Variants in STARD13 observed in about 807,000 individuals in gnomAD.
STARD13 encodes the protein StAR related lipid transfer domain containing 13.
In STARD13, 62 loss-of-function variants were observed where a neutral mutation model predicts 106.4. The observed-to-expected ratio is 0.58, with a 90% CI of 0.48 to 0.72. The LOEUF (loss-of-function observed/expected upper bound fraction) is 0.72. STARD13 is among the 30% of genes least tolerant of loss of function. The pLI is 0.00. For missense variants in STARD13, 1,387 were observed against 1,424.0 expected, an observed-to-expected ratio of 0.97 and a Z score of 0.42; for synonymous variants, 565 against 553.0, an observed-to-expected ratio of 1.02 and a Z score of -0.31.
At chr13:33,531,890 T>C in the STARD13 span, among the ~76,000 whole-genome samples, 1 of 152,198 alleles carries the variant, frequency 6.6e-6, no homozygotes, top group Non-Finnish European at 1.5e-5. Context: ...TTGTTTTTTA[T>C]CTCATATTAT....
intron 1 of STARD13, among the ~76,000 whole-genome samples, chr13:33,316,580 G>A (rs1893347769): frequency 6.6e-6 from 1 of 152,294 alleles, no homozygotes; most frequent in Non-Finnish European, 1.5e-5. Flanking sequence ...CAGAGACTCA[G>A]GAAGTGATTT....
the STARD13 span, among the ~76,000 whole-genome samples, chr13:33,586,045 G>A: frequency 1.3e-5 from 2 of 152,136 alleles, no homozygotes; most frequent in South Asian, 2.1e-4. Flanking sequence ...TGTATTTAAT[G>A]CCACTTAAGA....
chr13:33,460,933 A>C, the STARD13 span, among the ~76,000 whole-genome samples: 14 of 152,262 alleles, frequency 9.2e-5, no homozygotes, highest in African/African-American at 2.9e-4. Context: ...TGATATAAGC[A>C]ACAACATACA....
chr13:33,636,252 G>T, the STARD13 span, among the ~76,000 whole-genome samples: 941 of 150,346 alleles, frequency 6.3e-3, 4 homozygotes, highest in Non-Finnish European at 9.2e-3. Flanking sequence ...GATGATTTTT[G>T]TAGCCCCTGA....
intron 4 of STARD13, among the ~76,000 whole-genome samples, chr13:33,136,966 A>C (rs1478917634): frequency 4.6e-5 from 7 of 152,224 alleles, no homozygotes. Flanking sequence ...ACAAAGAAGC[A>C]GGGGCCCCTG....
chr13:33,524,846 G>T, the STARD13 span, among the ~76,000 whole-genome samples: 151 of 152,012 alleles, frequency 9.9e-4, 1 homozygote, highest in African/African-American at 3.6e-3. Context: ...ACTTATTTTT[G>T]TGTGTGCGGT....
chr13:33,627,965 C>CTTTTTTTTTTTT, the STARD13 span, among the ~76,000 whole-genome samples: 2 of 147,224 alleles, frequency 1.4e-5, no homozygotes, highest in African/African-American at 5.2e-5. Context: ...TCTTTTTTTT[C>CTTTTTTTTTTTT]TTTCTTTTTT....
At chr13:33,117,862 AT>A in intron 8 of STARD13, 1 of 985,366 alleles carries the variant, frequency 1.0e-6, no homozygotes, top group Non-Finnish European at 1.2e-6. Flanking sequence ...TCAAAAAGGT[AT>A]TTTCAAATGC....
chr13:33,375,153 A>G, the STARD13 span, among the ~76,000 whole-genome samples: 1 of 152,122 alleles, frequency 6.6e-6, no homozygotes, highest in African/African-American at 2.4e-5. Flanking sequence ...TGGCAATAGA[A>G]TGGGCAGAGA....
chr13:33,555,272 C>T, the STARD13 span, among the ~76,000 whole-genome samples: 1 of 152,178 alleles, frequency 6.6e-6, no homozygotes, highest in East Asian at 1.9e-4. Flanking sequence ...ATCAGCTAAG[C>T]CCATGTCTGC....
chr13:33,324,193 CTAAA>C (rs1893659139), intron 1 of STARD13, among the ~76,000 whole-genome samples: 1 of 152,134 alleles, frequency 6.6e-6, no homozygotes. Flanking sequence ...ACTATTGACT[CTAAA>C]GTAAGCAAAT....
chr13:33,199,144 T>C (rs1267428596), intron 1 of STARD13, among the ~76,000 whole-genome samples: 1 of 152,270 alleles, frequency 6.6e-6, no homozygotes, highest in East Asian at 1.9e-4. Flanking sequence ...TGTTGATGTT[T>C]CCAGGCCACA....
intron 1 of STARD13, among the ~76,000 whole-genome samples, chr13:33,297,412 T>G (rs892064967): frequency 6.6e-5 from 10 of 152,180 alleles, no homozygotes; most frequent in African/African-American, 2.4e-4. Flanking sequence ...TCAATGACCT[T>G]AAAACCCTCT....
chr13:33,421,125 A>G, the STARD13 span, among the ~76,000 whole-genome samples: 2 of 152,220 alleles, frequency 1.3e-5, no homozygotes, highest in African/African-American at 4.8e-5. Flanking sequence ...AAAGAGATAG[A>G]CACAAAAAAC....
At chr13:33,429,614 A>C in the STARD13 span, among the ~76,000 whole-genome samples, 1 of 152,188 alleles carries the variant, frequency 6.6e-6, no homozygotes, top group Admixed American at 6.5e-5. Context: ...CATTTGCAAC[A>C]ACATGGATGG....
chr13:33,241,809 C>T (rs527325152), intron 1 of STARD13, among the ~76,000 whole-genome samples: 5 of 152,266 alleles, frequency 3.3e-5, no homozygotes, highest in African/African-American at 4.8e-5. Flanking sequence ...CCCGAGGTGC[C>T]GGGATGGCAG....
At position 33,129,222 on chromosome 13, in the gene STARD13, G is replaced by C. The variant is rs547046219; in HGVS notation, c.1455C>G (p.His485Gln). The change falls in exon 5 of 14, where the codon CAC becomes CAG. Residue 485 changes from histidine to glutamine, a missense_variant. By Grantham distance (24) the His-to-Gln change is conservative (BLOSUM62 0). Coordinates refer to ENST00000336934, the MANE Select transcript of STARD13 (RefSeq NM_178006.4). ...TGACATGCTGCAGAATGTCATCCAA[G>C]TGAGGGAAAAGGTCATCTTTCTCCA... ...LDLEKDDLFP[H>Q]LDDILQHVNG... 1 of 1,614,168 alleles carries C rather than the reference G, an allele frequency of 6.2e-7. No individual in the cohort carries two copies. Among genetic ancestry groups the C allele is most frequent in the Non-Finnish European group, 8.5e-7 (1 of 1,180,026 alleles).
the STARD13 span, among the ~76,000 whole-genome samples, chr13:33,547,743 C>T: frequency 1.3e-5 from 2 of 152,158 alleles, no homozygotes; most frequent in Non-Finnish European, 2.9e-5. Context: ...GCATTTTCTT[C>T]TTCAATTTTC....
intron 6 of STARD13, among the ~76,000 whole-genome samples, chr13:33,126,828 T>C (rs1328241799): frequency 6.6e-6 from 1 of 152,030 alleles, no homozygotes; most frequent in African/African-American, 2.4e-5. Flanking sequence ...ACATTTTGTA[T>C]TTTTTCAAAC....
Sources: gnomAD v4.1 joint callset for allele counts (sites outside exome capture counted in the v4.1 genomes callset) on GRCh38, gnomAD v4.1.1 for gene constraint, MANE v1.5 for transcripts, NCBI Gene and HGNC (gene_info 2026-07-23, HGNC 2026-07-21) for gene names.